The following RPTOR variants were observed in gnomAD, a reference collection of about 807,000 sequenced individuals.
The protein encoded by RPTOR is regulatory associated protein of MTOR complex 1.
RPTOR carries 21 observed loss-of-function variants against 169.9 expected under a neutral mutation model. The observed-to-expected ratio is 0.12, with a 90% confidence interval of 0.09 to 0.18. RPTOR has a LOEUF of 0.18. Among genes scored for constraint, RPTOR ranks in the 10% least tolerant of loss-of-function variants. The probability of loss-of-function intolerance (pLI) is 1.00; values close to 1 mark genes in which losing one functional copy is unlikely to be tolerated. For synonymous variants in RPTOR, 732 were observed against 753.2 expected, an observed-to-expected ratio of 0.97 and a Z score of 0.46; for missense variants, 1,133 against 1,855.9, an observed-to-expected ratio of 0.61 and a Z score of 7.16.
At chr17:80,710,914 A>G (rs1179952265) in intron 4 of RPTOR, among the ~76,000 whole-genome samples, 1 of 152,198 alleles carries the variant, frequency 6.6e-6, no homozygotes, top group Non-Finnish European at 1.5e-5. Context: ...ATACTTGAAT[A>G]GTTTTTGTGA....
chr17:80,579,983 G>T (rs537974096), intron 1 of RPTOR, among the ~76,000 whole-genome samples: 1 of 152,160 alleles, frequency 6.6e-6, no homozygotes, highest in Non-Finnish European at 1.5e-5. Context: ...TTTAGAAAGA[G>T]AACTAGAATT....
chr17:80,706,805 A>ACGAG (rs752264613), intron 3 of RPTOR, among the ~76,000 whole-genome samples: 14 of 152,272 alleles, frequency 9.2e-5, no homozygotes, highest in Non-Finnish European at 1.8e-4. Flanking sequence ...TGTGAATTAA[A>ACGAG]CGAGCGAGAG....
At chr17:80,867,407 G>A (rs981164515) in intron 13 of RPTOR, among the ~76,000 whole-genome samples, 4 of 151,076 alleles carry the variant, frequency 2.6e-5, no homozygotes, top group Admixed American at 6.6e-5. Context: ...AGGGAACTTC[G>A]TCTACCTGAC....
At chr17:80,813,696 C>A (rs564695338) in intron 7 of RPTOR, among the ~76,000 whole-genome samples, 1 of 152,312 alleles carries the variant, frequency 6.6e-6, no homozygotes, top group South Asian at 2.1e-4. Context: ...TGGCATGGAA[C>A]CTTTGTAAGT....
intron 13 of RPTOR, among the ~76,000 whole-genome samples, chr17:80,872,397 G>A (rs2068061377): frequency 6.6e-6 from 1 of 152,166 alleles, no homozygotes; most frequent in African/African-American, 2.4e-5. Flanking sequence ...CTGCGGACCA[G>A]GAAGGCAGAG....
Position 80,823,244 on chromosome 17 carries a change from C to G in RPTOR, c.1136+21C>G. On this transcript the variant is annotated intron_variant, in intron 9 of 33. Transcript: ENST00000306801. This position sits in a 1 kb window ranked among gnomAD's most constrained non-coding sequence, Gnocchi z 4.5. ...ATGTGGTGAGTGTTTCAGGATCCTC[C>G]AGGTGCCGTGCTCCCCCGCCCTCCG... The G allele has an allele frequency of 3.7e-6, 6 of 1,610,664 alleles. No homozygotes were observed. Among genetic ancestry groups the G allele is most frequent in the Non-Finnish European group, 5.1e-6 (6 of 1,177,352 alleles).
Position 80,716,020 on chromosome 17 carries a change from A to G in RPTOR, c.507+8021A>G, listed in dbSNP as rs542903041. ...TTTTGCAATTGCGAATTGTGCTGCTATAAACATGCGTGTGCAAGTATCTTT... is the reference window on the plus strand; with the variant it reads ...TTTTGCAATTGCGAATTGTGCTGCTGTAAACATGCGTGTGCAAGTATCTTT... On this transcript the variant is annotated intron_variant, in intron 4 of 33. Coordinates refer to ENST00000306801, the MANE Select transcript of RPTOR (RefSeq NM_020761.3). Among the ~76,000 whole-genome samples the G allele has an allele frequency of 2.2e-4, 33 of 152,342 alleles. No individual in the cohort carries two copies. The South Asian group carries it at 6.6e-3, about 31-fold the overall frequency.
intron 8 of RPTOR, 104 bp downstream of exon 8, chr17:80,822,405 C>CCACTGTCTTCCTCA: frequency 8.8e-7 from 1 of 1,131,148 alleles, no homozygotes; most frequent in Non-Finnish European, 1.3e-6. Context: ...TGAGTGCCTC[C>CCACTGTCTTCCTCA]CTAGTGAGGA....
chr17:80,800,787 TGA>T (rs1375129064), intron 7 of RPTOR, among the ~76,000 whole-genome samples: 1 of 152,234 alleles, frequency 6.6e-6, no homozygotes, highest in East Asian at 1.9e-4. Context: ...CCGGGGAACC[TGA>T]GAGATGTGAA....
intron 3 of RPTOR, among the ~76,000 whole-genome samples, chr17:80,671,112 A>G (rs1396114241): frequency 1.3e-5 from 2 of 151,376 alleles, no homozygotes; most frequent in African/African-American, 4.9e-5. Context: ...TTTTTCTTTC[A>G]TTTCTCAGAG....
intron 13 of RPTOR, among the ~76,000 whole-genome samples, chr17:80,875,602 C>T (rs1032262425): frequency 1.3e-5 from 2 of 152,206 alleles, no homozygotes; most frequent in African/African-American, 2.4e-5. Flanking sequence ...GTTGAGAGGG[C>T]GGCTTTGGCA....
At chr17:80,953,804 C>T (rs1412405231) in intron 28 of RPTOR, among the ~76,000 whole-genome samples, 5 of 152,216 alleles carry the variant, frequency 3.3e-5, no homozygotes, top group Admixed American at 1.3e-4. Flanking sequence ...TGGGCAGAAA[C>T]GGGGAAGTAT....
chr17:80,871,542 C>A (rs1229028370), intron 13 of RPTOR, among the ~76,000 whole-genome samples: 3 of 152,184 alleles, frequency 2.0e-5, no homozygotes, highest in Non-Finnish European at 4.4e-5. Flanking sequence ...AGGCGTCCCC[C>A]GGGTGAAGCC....
chr17:80,947,343 C>A lies in RPTOR; in HGVS notation c.3257C>A (p.Thr1086Lys). 1 of 1,569,848 alleles carries A rather than the reference C, an allele frequency of 6.4e-7. No homozygotes were observed. Among genetic ancestry groups the A allele is most frequent in the Non-Finnish European group, 8.6e-7 (1 of 1,160,012 alleles). ...LNGQDCSLLL[T>K]ATDDGAIRVW... The stretch of plus-strand genomic sequence containing the variant: ...GGCCAGGACTGCTCGCTTCTGCTGA[C>A]GGCCACAGGTGAGCGGGGTTTGCAC... The change falls in exon 27 of 34, where the codon ACG becomes AAG. Residue 1086 changes from threonine (T) to lysine (K), a missense_variant. Transcript: ENST00000306801. This position sits in a 1 kb window ranked among gnomAD's most constrained non-coding sequence, Gnocchi z 4.4.
chr17:80,867,404 T>G (rs913007429), intron 13 of RPTOR, among the ~76,000 whole-genome samples: 12 of 151,604 alleles, frequency 7.9e-5, no homozygotes, highest in African/African-American at 2.9e-4. Flanking sequence ...AGAAGGGAAC[T>G]TCGTCTACCT....
Position 80,965,382 on chromosome 17 carries a change from G to C in RPTOR, c.*1052G>C, listed in dbSNP as rs551815132. On this transcript the variant is annotated 3_prime_UTR_variant, in exon 34 of 34. Coordinates refer to ENST00000306801, the MANE Select transcript of RPTOR (RefSeq NM_020761.3). ...TGACACCAGCCCCGTCTCCAGCCTT[G>C]AGCCGCCCATGCTGATGCGACCTCG... 122 of 233,390 alleles carry C rather than the reference G, an allele frequency of 5.2e-4. No homozygotes were observed. Among genetic ancestry groups the C allele is most frequent in the African/African-American group, 2.6e-3 (116 of 45,478 alleles). The allele number at this position is 233,390 out of a possible 1,614,324, so 14.5% of individuals were successfully genotyped here.
chr17:80,755,738 CAAAA>C (rs77078803), intron 6 of RPTOR, among the ~76,000 whole-genome samples: 1 of 80,240 alleles, frequency 1.2e-5, no homozygotes, highest in Non-Finnish European at 2.4e-5. Flanking sequence ...GACCCTGTCT[CAAAA>C]AAAAAAAAAA....
chr17:80,883,836 C>G lies in RPTOR; in HGVS notation c.1706C>G (p.Pro569Arg). ...ATCTGCCTGGAGCAGCTCAACGACC[C>G]GCACCCCTTGCTGCGCCAGTGGGTG... Reference protein sequence around the residue: ...IAICLEQLNDPHPLLRQWVAI... With the variant: ...IAICLEQLNDRHPLLRQWVAI... Residue 569 changes from proline to arginine, a missense_variant, in exon 16 of 34, where the codon CCG (proline) becomes CGG (arginine). Physicochemically the swap from Pro to Arg is moderately radical, Grantham distance 103. Transcript: ENST00000306801. 6.2e-7 allele frequency: 1 copy of G among 1,613,754 alleles called. No homozygotes were observed. Among genetic ancestry groups the G allele is most frequent in the Non-Finnish European group, 8.5e-7 (1 of 1,180,040 alleles).
chr17:80,566,984 T>A (rs1489460785), intron 1 of RPTOR, among the ~76,000 whole-genome samples: 1 of 152,136 alleles, frequency 6.6e-6, no homozygotes, highest in African/African-American at 2.4e-5. Context: ...CCTCTTTTTT[T>A]TTTTGAGACA....
Sources: allele counts gnomAD v4.1 joint callset (sites outside exome capture counted in the v4.1 genomes callset), GRCh38; gene constraint gnomAD v4.1.1; non-coding constraint Gnocchi (gnomAD v3.1); transcripts MANE v1.5; gene names NCBI Gene and HGNC (gene_info 2026-07-23, HGNC 2026-07-21).